DIAPH2: variants seen among roughly 807,000 people sequenced by gnomAD.
The protein encoded by DIAPH2 is diaphanous related formin 2, also known as protein diaphanous homolog 2.
In DIAPH2, 35 loss-of-function variants were observed where a neutral mutation model predicts 92.7. The observed-to-expected ratio is 0.38, with a 90% CI of 0.29 to 0.50. DIAPH2 has a LOEUF of 0.50. DIAPH2 is among the 20% of genes least tolerant of loss of function. The pLI is 0.94. For missense variants in DIAPH2, 701 were observed against 819.5 expected (o/e 0.86, Z 1.77); for synonymous variants, 301 against 280.4 (o/e 1.07, Z -0.73).
intron 4 of DIAPH2, among the ~76,000 whole-genome samples, chrX:96,781,450 A>G (rs1234360235): frequency 9.0e-6 from 1 of 111,587 alleles, no homozygotes; most frequent in African/African-American, 3.3e-5. Context: ...CCCTTTTAAT[A>G]GAGGGTTATC....
chrX:96,836,168 C>T (rs1490738416), intron 4 of DIAPH2, among the ~76,000 whole-genome samples: 1 of 108,081 alleles, frequency 9.3e-6, no homozygotes, highest in Non-Finnish European at 1.9e-5. Flanking sequence ...TGTGTAAGTT[C>T]TTTAGTGGTG....
chrX:97,509,738 T>C (rs2070870762), intron 26 of DIAPH2, among the ~76,000 whole-genome samples: 1 of 106,234 alleles, frequency 9.4e-6, no homozygotes, highest in African/African-American at 3.4e-5. Context: ...AATTCCCATC[T>C]ATGAGTGAGA....
At chrX:97,389,661 T>G (rs1210311442) in intron 25 of DIAPH2, among the ~76,000 whole-genome samples, 1 of 110,753 alleles carries the variant, frequency 9.0e-6, no homozygotes, top group Non-Finnish European at 1.9e-5. Flanking sequence ...CCAACAAGTT[T>G]GTATGCCTGC....
At chrX:97,029,715 C>A (rs1209110533) in intron 17 of DIAPH2, among the ~76,000 whole-genome samples, 4 of 111,143 alleles carry the variant, frequency 3.6e-5, no homozygotes, top group African/African-American at 9.8e-5. Flanking sequence ...TGAGTCTATT[C>A]TATTTCATAA....
intron 24 of DIAPH2, among the ~76,000 whole-genome samples, chrX:97,373,687 A>G (rs141035077): frequency 0.027 from 2,756 of 100,783 alleles, 34 homozygotes; most frequent in Middle Eastern, 0.042. Flanking sequence ...GCTCACTGCA[A>G]CCTCCGCCTC....
chrX:97,363,665 CAAAAAAAAAAAAAAAAA>C, intron 24 of DIAPH2, among the ~76,000 whole-genome samples: 1 of 17,809 alleles, frequency 5.6e-5, no homozygotes, highest in African/African-American at 1.5e-4. Flanking sequence ...GACTCTGCCT[CAAAAAAAAAAAAAAAAA>C]AAAAAAAAAA....
intron 22 of DIAPH2, among the ~76,000 whole-genome samples, chrX:97,186,992 C>G (rs1171544588): frequency 8.9e-6 from 1 of 111,935 alleles, no homozygotes; most frequent in Non-Finnish European, 1.9e-5. Flanking sequence ...CTCTTAATTC[C>G]TGTTTCTAGA....
At position 97,538,594 on chromosome X, in the gene DIAPH2, T is replaced by G. The variant is rs188891180; in HGVS notation, c.3242-60659T>G. On this transcript the variant is annotated intron_variant, in intron 26 of 26. Coordinates refer to ENST00000324765, the MANE Select transcript of DIAPH2 (RefSeq NM_006729.5). ...ATCCTTTTTAGGAAAAAAAAATTTG[T>G]TTATAAAGTTTTTACTAAAGTTAAA... is the stretch of plus-strand genomic sequence containing the variant. Among the ~76,000 whole-genome samples, 597 of 112,043 alleles carry G rather than the reference T, an allele frequency of 5.3e-3. 4 individuals carry two copies. The highest frequency in any genetic ancestry group is 0.012 in the South Asian group (31 of 2,695).
At chrX:97,098,880 G>A (rs1490073775) in intron 19 of DIAPH2, among the ~76,000 whole-genome samples, 2 of 112,582 alleles carry the variant, frequency 1.8e-5, no homozygotes, top group African/African-American at 6.5e-5. Context: ...CAATTCATAA[G>A]AATCATCAAA....
At chrX:96,977,658 G>A (rs889998631) in intron 17 of DIAPH2, among the ~76,000 whole-genome samples, 1 of 110,555 alleles carries the variant, frequency 9.0e-6, no homozygotes, top group East Asian at 2.8e-4. Context: ...TTCATATTTG[G>A]AATCATTATT....
chrX:97,221,702 A>G (rs1305264654), intron 22 of DIAPH2, among the ~76,000 whole-genome samples: 1 of 111,963 alleles, frequency 8.9e-6, no homozygotes, highest in Non-Finnish European at 1.9e-5. Flanking sequence ...AGAAGTAGCT[A>G]AACAATTTTT....
intron 17 of DIAPH2, among the ~76,000 whole-genome samples, chrX:97,048,251 C>T (rs980149661): frequency 9.0e-6 from 1 of 111,068 alleles, no homozygotes; most frequent in Admixed American, 9.6e-5. Flanking sequence ...CAATCTCCAT[C>T]TCCATCTCTA....
chrX:96,861,276 T>TAACAA (rs1033656830), intron 4 of DIAPH2, among the ~76,000 whole-genome samples: 4 of 111,684 alleles, frequency 3.6e-5, no homozygotes, highest in South Asian at 3.8e-4. Flanking sequence ...ATCTTAATGC[T>TAACAA]AACAAAACAA....
intron 26 of DIAPH2, among the ~76,000 whole-genome samples, chrX:97,481,073 C>T (rs1170252607): frequency 8.9e-6 from 1 of 111,878 alleles, no homozygotes; most frequent in African/African-American, 3.2e-5. Flanking sequence ...ATCAAGGCTT[C>T]GTTGAATTCC....
intron 1 of DIAPH2, among the ~76,000 whole-genome samples, chrX:96,721,739 G>A (rs150959501): frequency 2.0e-3 from 229 of 111,974 alleles, no homozygotes; most frequent in African/African-American, 7.1e-3. Context: ...TTGTGAAGGT[G>A]TATTTGCTGC....
chrX:97,191,019 C>A (rs1463707289), intron 22 of DIAPH2, among the ~76,000 whole-genome samples: 1 of 109,450 alleles, frequency 9.1e-6, no homozygotes, highest in African/African-American at 3.3e-5. Context: ...CTAAGTGGAC[C>A]TGACTCTCAT....
At chrX:96,864,532 C>A (rs775939628) in intron 4 of DIAPH2, among the ~76,000 whole-genome samples, 52 of 111,809 alleles carry the variant, frequency 4.7e-4, no homozygotes, top group Non-Finnish European at 8.8e-4. Flanking sequence ...ATTTGGCATA[C>A]ATATTTGAAT....
In DIAPH2 at chrX:97,141,769, G is replaced by A; in HGVS notation, c.2694G>A (p.Leu898=). The A allele has an allele frequency of 8.3e-7, 1 of 1,203,645 alleles. No homozygotes were observed. Among genetic ancestry groups the A allele is most frequent in the South Asian group, 1.8e-5 (1 of 54,747 alleles). Residue 898 remains leucine, a synonymous_variant, in exon 22 of 27, where the codon CTG becomes CTA. Transcript: ENST00000324765. Reference sequence around the variant, plus strand: ...ATATCCTAAAATTTCCTGAAGAACTGGAACACGTAGAAAGTGCAAGCAAAG... The same window carrying A: ...ATATCCTAAAATTTCCTGAAGAACTAGAACACGTAGAAAGTGCAAGCAAAG... ...YRDILKFPEE[L]EHVESASKVS... is the part of the protein sequence containing the mutation.
chrX:97,214,761 G>T (rs1368698541), intron 22 of DIAPH2, among the ~76,000 whole-genome samples: 2 of 103,607 alleles, frequency 1.9e-5, no homozygotes, highest in African/African-American at 7.1e-5. Context: ...AACCCAGGAA[G>T]CGGAGGTTGG....
Sources: allele counts gnomAD v4.1 joint callset (sites outside exome capture counted in the v4.1 genomes callset), GRCh38; gene constraint gnomAD v4.1.1; transcripts MANE v1.5; gene names NCBI Gene and HGNC (gene_info 2026-07-23, HGNC 2026-07-21).